The following TANC2 variants were observed in gnomAD, a reference collection of about 807,000 sequenced individuals.
TANC2 encodes the protein protein TANC2.
Under a neutral mutation model 210.5 loss-of-function variants are expected in TANC2, and 26 were observed. The ratio of observed to expected loss-of-function variants is 0.12; its 90% CI spans 0.09 to 0.17. The LOEUF (loss-of-function observed/expected upper bound fraction) is 0.17. Among genes scored for constraint, TANC2 ranks in the 10% least tolerant of loss-of-function variants. The pLI is 1.00. For missense variants in TANC2, 2,129 were observed against 2,608.9 expected, an observed-to-expected ratio of 0.82 and a Z score of 4.01; for synonymous variants, 931 against 967.1, an observed-to-expected ratio of 0.96 and a Z score of 0.69.
At chr17:63,040,656 T>C (rs1341957003) in intron 2 of TANC2, among the ~76,000 whole-genome samples, 3 of 152,176 alleles carry the variant, frequency 2.0e-5, no homozygotes, top group Non-Finnish European at 4.4e-5. Flanking sequence ...ACTATGTTTT[T>C]GAATATTTGA....
intron 11 of TANC2, among the ~76,000 whole-genome samples, chr17:63,335,335 G>A (rs1310765629): frequency 1.3e-5 from 2 of 152,082 alleles, no homozygotes; most frequent in African/African-American, 4.8e-5. Flanking sequence ...CAAGATGGCC[G>A]GGCACGGTGG....
intron 27 of TANC2, 91 bp from the exon 28 acceptor site, chr17:63,419,908 C>T (rs925025134): frequency 1.1e-5 from 15 of 1,404,022 alleles, no homozygotes; most frequent in Non-Finnish European, 1.2e-5. Context: ...GCCACCACAG[C>T]TCTCTGAGAT....
At position 63,061,275 on chromosome 17, in the gene TANC2, G is replaced by T. The variant is rs548826273; in HGVS notation, c.68-12668G>T. 5.3e-5 allele frequency among the ~76,000 whole-genome samples: 8 copies of T among 151,634 alleles called. No homozygotes were observed. The East Asian group carries it at 9.7e-4, about 18-fold the overall frequency. ...CCAGTTACTGGGGAGGGTGAGGCAG[G>T]AGAGTTGCTTGAATCCAGGAGGTGG... On this transcript the variant is annotated intron_variant, in intron 2 of 27. Transcript: ENST00000689528.
intron 4 of TANC2, among the ~76,000 whole-genome samples, chr17:63,113,412 C>G (rs1034476752): frequency 1.3e-5 from 2 of 152,188 alleles, no homozygotes; most frequent in Non-Finnish European, 2.9e-5. Flanking sequence ...GTTCAGCTGG[C>G]CTTTCTTAAT....
intron 8 of TANC2, among the ~76,000 whole-genome samples, chr17:63,242,791 A>G (rs1324802570): frequency 6.6e-6 from 1 of 152,152 alleles, no homozygotes; most frequent in East Asian, 1.9e-4. Context: ...GTGAAATTCT[A>G]CTCAGCTACA....
Position 63,420,069 on chromosome 17 carries a change from A to G in TANC2, c.4339A>G (p.Arg1447Gly). 1.3e-6 allele frequency: 2 copies of G among 1,552,308 alleles called. No individual in the cohort carries two copies. Among genetic ancestry groups the G allele is most frequent in the Non-Finnish European group, 1.7e-6 (2 of 1,147,142 alleles). Residue 1447 changes from arginine to glycine, a missense_variant, in exon 28 of 28, where the codon AGA (arginine) becomes GGA (glycine). Transcript: ENST00000689528. The surrounding 1 kb of genome is among the most constrained non-coding windows in gnomAD (Gnocchi z 4.2). ...GTGTCCCAACAACCGTGAGATCCAG[A>G]GACTTCTGCTGAGAGTGGAAGAAGA...
chr17:63,405,264 G>C lies in TANC2; in HGVS notation c.3465+9G>C. The stretch of plus-strand genomic sequence containing the variant: ...GCCAGGGCCACTGGCAGGTAAGCAG[G>C]GCGACCACTTCCAGTCCCTCAGGCA... On this transcript the variant is annotated intron_variant, in intron 20 of 27. Coordinates refer to ENST00000689528, the Ensembl canonical transcript of TANC2. The C allele has an allele frequency of 3.2e-6, 5 of 1,557,450 alleles. No homozygotes were observed. The highest frequency in any genetic ancestry group is 4.4e-6 in the Non-Finnish European group (5 of 1,143,970).
At chr17:63,358,954 G>C (rs2046868877) in intron 14 of TANC2, among the ~76,000 whole-genome samples, 1 of 147,428 alleles carries the variant, frequency 6.8e-6, no homozygotes, top group African/African-American at 2.6e-5. Flanking sequence ...CCCTTCCATA[G>C]GAACGGCTCT....
At chr17:63,417,342 A>T (rs2048895760) in intron 26 of TANC2, among the ~76,000 whole-genome samples, 1 of 152,168 alleles carries the variant, frequency 6.6e-6, no homozygotes, top group Non-Finnish European at 1.5e-5. Flanking sequence ...TTGACACTAA[A>T]AGAAGGGGAA....
chr17:63,300,117 TC>T (rs1228474254), intron 9 of TANC2, among the ~76,000 whole-genome samples: 1 of 152,106 alleles, frequency 6.6e-6, no homozygotes, highest in Non-Finnish European at 1.5e-5. Context: ...ATTTCTGAGG[TC>T]TCTGTTCTGT....
chr17:63,220,145 A>C lies in TANC2; in HGVS notation c.770-17669A>C, dbSNP rs555144665. Among the ~76,000 whole-genome samples the C allele has an allele frequency of 2.6e-5, 4 of 151,808 alleles. No homozygotes were observed. In the East Asian group the frequency reaches 7.8e-4, roughly 30 times the overall value. ...CCTCTCCTCTACTAAAAATACAAAAATTAGTGGGGCATGGTGTCACGTGCC... is the reference window on the plus strand; with the variant it reads ...CCTCTCCTCTACTAAAAATACAAAACTTAGTGGGGCATGGTGTCACGTGCC... On this transcript the variant is annotated intron_variant, in intron 7 of 27. Transcript: ENST00000689528.
At chr17:63,395,809 G>C in exon 18 of TANC2, 1 of 1,613,506 alleles carries the variant, frequency 6.2e-7, no homozygotes, top group Non-Finnish European at 8.5e-7. Flanking sequence ...TCATCTGGAG[G>C]TTGTCAAGTT....
chr17:63,161,587 C>A (rs571387377), intron 5 of TANC2, among the ~76,000 whole-genome samples: 2 of 152,076 alleles, frequency 1.3e-5, no homozygotes, highest in Non-Finnish European at 2.9e-5. Context: ...CTTCCTAATT[C>A]TCGGGCATCA....
intron 5 of TANC2, among the ~76,000 whole-genome samples, chr17:63,189,089 A>G (rs542852596): frequency 1.3e-5 from 2 of 152,076 alleles, no homozygotes; most frequent in Admixed American, 6.5e-5. Context: ...GTGTTCTTTC[A>G]TTTTATGGCA....
chr17:63,038,986 C>T (rs892761572), intron 2 of TANC2, among the ~76,000 whole-genome samples: 5 of 151,970 alleles, frequency 3.3e-5, no homozygotes, highest in South Asian at 2.1e-4. Context: ...TTTTATCTGT[C>T]GTTTATTGAG....
intron 14 of TANC2, among the ~76,000 whole-genome samples, chr17:63,375,178 T>C (rs2047387215): frequency 6.6e-6 from 1 of 152,224 alleles, no homozygotes; most frequent in South Asian, 2.1e-4. Flanking sequence ...TTTCCCCTTA[T>C]GTCCTACATA....
intron 1 of TANC2, among the ~76,000 whole-genome samples, chr17:62,968,249 C>T (rs1179356513): frequency 6.6e-6 from 1 of 152,004 alleles, no homozygotes; most frequent in Non-Finnish European, 1.5e-5. Context: ...GAAATGTGTT[C>T]GTTAGAATGT....
chr17:63,183,853 G>T (rs781307702), intron 5 of TANC2, among the ~76,000 whole-genome samples: 1 of 151,884 alleles, frequency 6.6e-6, no homozygotes, highest in Admixed American at 6.6e-5. Flanking sequence ...CCATCTCTAC[G>T]AAAAATACAA....
chr17:63,388,601 G>T, intron 15 of TANC2, 34 bp from the exon 16 acceptor site: 3 of 1,570,290 alleles, frequency 1.9e-6, no homozygotes, highest in South Asian at 1.2e-5. Flanking sequence ...TTTTTGCTGG[G>T]CTACTAATTT....
Sources: gnomAD v4.1 joint callset for allele counts (sites outside exome capture counted in the v4.1 genomes callset) on GRCh38, gnomAD v4.1.1 for gene constraint, Gnocchi (gnomAD v3.1) non-coding constraint, MANE v1.5 for transcripts, NCBI Gene and HGNC (gene_info 2026-07-23, HGNC 2026-07-21) for gene names.